Variants in BCL2 observed in about 807,000 individuals in gnomAD.
BCL2 encodes the protein BCL2 apoptosis regulator, also known as apoptosis regulator Bcl-2.
Under a neutral mutation model 14.2 loss-of-function variants are expected in BCL2, and 1 was observed. The ratio of observed to expected loss-of-function variants is 0.07; its 90% CI spans 0.02 to 0.33. The LOEUF (loss-of-function observed/expected upper bound fraction) is 0.33. BCL2 is among the 10% of genes least tolerant of loss of function. The pLI, the probability that BCL2 is intolerant of heterozygous loss-of-function variation, is 0.99. For synonymous variants in BCL2, 151 were observed against 137.2 expected (o/e 1.10, Z -0.70); for missense variants, 247 against 305.9 (o/e 0.81, Z 1.44).
At chr18:63,147,881 G>A (rs1375451554) in intron 2 of BCL2, among the ~76,000 whole-genome samples, 1 of 152,132 alleles carries the variant, frequency 6.6e-6, no homozygotes, top group Non-Finnish European at 1.5e-5. Context: ...AGATTACAGT[G>A]TTATTCCCTT....
Position 63,124,605 on chromosome 18 carries a change from C to A in BCL2, c.*4020G>T. 4.3e-6 allele frequency: 1 copy of A among 231,866 alleles called. No homozygotes were observed. Among genetic ancestry groups the A allele is most frequent in the Non-Finnish European group, 8.5e-6 (1 of 117,220 alleles). The allele number at this position is 231,866 out of a possible 1,614,324, so 14.4% of individuals were successfully genotyped here. ...TACATTTAAAAATTCTTCCTCCCTC[C>A]CACCCCTCCAACAAATGTCCTTTGT... On this transcript the variant is annotated 3_prime_UTR_variant, in exon 3 of 3. Transcript: ENST00000333681.
intron 2 of BCL2, among the ~76,000 whole-genome samples, chr18:63,243,340 C>T (rs1266417080): frequency 6.6e-6 from 1 of 151,976 alleles, no homozygotes; most frequent in Non-Finnish European, 1.5e-5. Flanking sequence ...TACAGGGGAA[C>T]AACACACACT....
At chr18:63,218,204 C>T (rs1272810695) in intron 2 of BCL2, among the ~76,000 whole-genome samples, 1 of 151,988 alleles carries the variant, frequency 6.6e-6, no homozygotes, top group African/African-American at 2.4e-5. Context: ...GTGGCTCAAG[C>T]TCATGTCTTT....
chr18:63,207,040 G>C (rs931793285), intron 2 of BCL2, among the ~76,000 whole-genome samples: 2 of 152,178 alleles, frequency 1.3e-5, no homozygotes, highest in East Asian at 3.9e-4. Flanking sequence ...CTGAATTCGG[G>C]GTAAACAAGA....
At position 63,128,551 on chromosome 18, in the gene BCL2, T is replaced by A; in HGVS notation, c.*74A>T. The A allele has an allele frequency of 1.3e-6, 1 of 751,300 alleles. No homozygotes were observed. Among genetic ancestry groups the A allele is most frequent in the South Asian group, 1.4e-5 (1 of 69,822 alleles). 46.5% of individuals were successfully genotyped at this position (751,300 alleles called of 1,614,324 possible). A position where few individuals can be genotyped will look rare whatever the true frequency, so the allele number is the denominator to read the frequency against. ...GCCTGCAGCTTTGTTTCATGGTACATCACTGACAATGCATATTATTTCTAC... is the reference window on the plus strand; with the variant it reads ...GCCTGCAGCTTTGTTTCATGGTACAACACTGACAATGCATATTATTTCTAC... On this transcript the variant is annotated 3_prime_UTR_variant, in exon 3 of 3. Transcript: ENST00000333681.
chr18:63,278,386 A>G (rs960150458), intron 2 of BCL2, among the ~76,000 whole-genome samples: 1 of 152,224 alleles, frequency 6.6e-6, no homozygotes, highest in Non-Finnish European at 1.5e-5. Context: ...CTCTTCCACT[A>G]GACCCTGACC....
At chr18:63,252,269 C>T (rs1299186734) in intron 2 of BCL2, among the ~76,000 whole-genome samples, 1 of 152,194 alleles carries the variant, frequency 6.6e-6, no homozygotes, top group Admixed American at 6.5e-5. Flanking sequence ...TCACATCTTA[C>T]TGACAGAAAA....
chr18:63,304,935 C>T (rs934138642), intron 2 of BCL2, among the ~76,000 whole-genome samples: 2 of 152,174 alleles, frequency 1.3e-5, no homozygotes, highest in African/African-American at 4.8e-5. Context: ...CAAGCAAAAA[C>T]AGTCACACAT....
intron 2 of BCL2, among the ~76,000 whole-genome samples, chr18:63,222,091 G>A (rs1910407012): frequency 6.6e-6 from 1 of 151,848 alleles, no homozygotes; most frequent in Non-Finnish European, 1.5e-5. Flanking sequence ...AACTAGCCTG[G>A]CCAACAAGGC....
chr18:63,216,922 A>T (rs1359559079), intron 2 of BCL2, among the ~76,000 whole-genome samples: 1 of 152,240 alleles, frequency 6.6e-6, no homozygotes, highest in Non-Finnish European at 1.5e-5. Flanking sequence ...CAGTTGGCAC[A>T]TTCTGAGAAC....
chr18:63,260,193 C>G (rs1295302516), intron 2 of BCL2, among the ~76,000 whole-genome samples: 1 of 152,126 alleles, frequency 6.6e-6, no homozygotes, highest in Admixed American at 6.5e-5. Flanking sequence ...AACACTGTAG[C>G]CTTCACTACA....
intron 2 of BCL2, among the ~76,000 whole-genome samples, chr18:63,184,773 G>A (rs1464332598): frequency 1.3e-5 from 2 of 152,208 alleles, no homozygotes; most frequent in African/African-American, 4.8e-5. Flanking sequence ...AAGGCGCCTT[G>A]AGGGCCATAC....
intron 2 of BCL2, among the ~76,000 whole-genome samples, chr18:63,240,726 C>A (rs1031728018): frequency 1.3e-5 from 2 of 152,246 alleles, no homozygotes; most frequent in African/African-American, 2.4e-5. Flanking sequence ...ACTACCACAG[C>A]AATTTAGCTA....
At chr18:63,140,586 TC>T (rs546269360) in intron 2 of BCL2, among the ~76,000 whole-genome samples, 2 of 152,182 alleles carry the variant, frequency 1.3e-5, no homozygotes, top group Non-Finnish European at 2.9e-5. Flanking sequence ...ACATGCAATG[TC>T]CAAAATAGGC....
chr18:63,225,222 T>G (rs1199690772), intron 2 of BCL2, among the ~76,000 whole-genome samples: 1 of 152,184 alleles, frequency 6.6e-6, no homozygotes, highest in Non-Finnish European at 1.5e-5. Flanking sequence ...CCATTTATTT[T>G]GACAAAATAG....
chr18:63,254,145 G>A (rs1245528103), intron 2 of BCL2, among the ~76,000 whole-genome samples: 1 of 151,992 alleles, frequency 6.6e-6, no homozygotes, highest in Non-Finnish European at 1.5e-5. Context: ...CAACTATTTA[G>A]AATGCTTGCT....
At chr18:63,292,519 G>T (rs534314944) in intron 2 of BCL2, among the ~76,000 whole-genome samples, 2 of 152,324 alleles carry the variant, frequency 1.3e-5, no homozygotes, top group East Asian at 3.9e-4. Flanking sequence ...TGCTAGCTGG[G>T]ATCTGCACTC....
intron 2 of BCL2, among the ~76,000 whole-genome samples, chr18:63,242,966 C>G (rs144876214): frequency 1.3e-5 from 2 of 152,262 alleles, no homozygotes; most frequent in East Asian, 3.9e-4. Flanking sequence ...AGGACAAATT[C>G]CTACACCTCA....
intron 2 of BCL2, among the ~76,000 whole-genome samples, chr18:63,196,175 G>A (rs1051248612): frequency 6.6e-6 from 1 of 152,056 alleles, no homozygotes; most frequent in Non-Finnish European, 1.5e-5. Context: ...TACCAGACCT[G>A]GTACACGGTT....
Sources: allele counts gnomAD v4.1 joint callset (sites outside exome capture counted in the v4.1 genomes callset), GRCh38; gene constraint gnomAD v4.1.1; transcripts MANE v1.5; gene names NCBI Gene and HGNC (gene_info 2026-07-23, HGNC 2026-07-21).